Variants in ACOXL observed in about 807,000 individuals in gnomAD.
ACOXL encodes acyl-coenzyme A oxidase-like protein.
Under a neutral mutation model 71.9 loss-of-function variants are expected in ACOXL, and 70 were observed. The observed-to-expected ratio is 0.97, with a 90% confidence interval of 0.80 to 1.19. The LOEUF (loss-of-function observed/expected upper bound fraction) is 1.19. Among genes scored for constraint, ACOXL ranks in the 50% most tolerant of loss-of-function variants. ACOXL has a pLI of 0.00. For synonymous variants in ACOXL, 253 were observed against 281.6 expected, an observed-to-expected ratio of 0.90 and a Z score of 1.02; for missense variants, 703 against 736.3, an observed-to-expected ratio of 0.95 and a Z score of 0.52.
At chr2:110,771,119 G>A (rs1457336268) in intron 2 of ACOXL, among the ~76,000 whole-genome samples, 2 of 152,100 alleles carry the variant, frequency 1.3e-5, no homozygotes, top group Non-Finnish European at 2.9e-5. Context: ...CGGCCTGTTT[G>A]GCACCTCTCT....
chr2:110,743,647 A>G (rs1270054826), intron 1 of ACOXL, among the ~76,000 whole-genome samples: 2 of 152,096 alleles, frequency 1.3e-5, no homozygotes, highest in Non-Finnish European at 2.9e-5. Flanking sequence ...AGGCTGGCGG[A>G]AGGACCAATG....
At chr2:110,769,820 C>T (rs1021844775) in intron 2 of ACOXL, among the ~76,000 whole-genome samples, 6 of 150,798 alleles carry the variant, frequency 4.0e-5, no homozygotes, top group African/African-American at 7.3e-5. Flanking sequence ...GGCAACAAAG[C>T]GAGACTCTGT....
At chr2:110,990,374 A>G (rs1412379404) in intron 13 of ACOXL, among the ~76,000 whole-genome samples, 1 of 152,224 alleles carries the variant, frequency 6.6e-6, no homozygotes, top group Admixed American at 6.5e-5. Flanking sequence ...GCTTTTGTTT[A>G]TAAATCTGAC....
intron 15 of ACOXL, among the ~76,000 whole-genome samples, chr2:111,047,098 G>A (rs543031208): frequency 1.3e-5 from 2 of 152,328 alleles, no homozygotes; most frequent in South Asian, 4.1e-4. Flanking sequence ...CAAAGAATCA[G>A]GCTCAGTGGC....
chr2:111,005,757 G>A (rs2063842118), intron 14 of ACOXL, among the ~76,000 whole-genome samples: 1 of 152,108 alleles, frequency 6.6e-6, no homozygotes, highest in East Asian at 1.9e-4. Flanking sequence ...TGCCTTGGAA[G>A]ATCACCAATA....
intron 12 of ACOXL, among the ~76,000 whole-genome samples, chr2:110,937,680 C>A (rs951818218): frequency 1.3e-5 from 2 of 152,174 alleles, no homozygotes; most frequent in Non-Finnish European, 2.9e-5. Context: ...AGTCTGGGGG[C>A]TACTGAGAGG....
chr2:110,784,908 A>T (rs1029047319), intron 3 of ACOXL, 93 bp downstream of exon 3: 1 of 1,146,732 alleles, frequency 8.7e-7, no homozygotes. Flanking sequence ...CTCTCAGTCT[A>T]TGTAGTGGCA....
chr2:110,917,537 T>C (rs149270869), intron 11 of ACOXL, among the ~76,000 whole-genome samples: 3,594 of 152,308 alleles, frequency 0.024, 69 homozygotes, highest in South Asian at 0.047. Flanking sequence ...CAACATAGTA[T>C]TGGGAGTTCT....
At chr2:110,880,103 C>T (rs1004564620) in intron 10 of ACOXL, among the ~76,000 whole-genome samples, 1 of 147,240 alleles carries the variant, frequency 6.8e-6, no homozygotes, top group Admixed American at 6.8e-5. Flanking sequence ...CGAGTTTGTA[C>T]CACTGCACTG....
chr2:110,959,992 G>T (rs2061641571), intron 12 of ACOXL, among the ~76,000 whole-genome samples: 1 of 152,200 alleles, frequency 6.6e-6, no homozygotes, highest in Non-Finnish European at 1.5e-5. Flanking sequence ...GGAGCATAAG[G>T]CTGCTTGTCT....
intron 9 of ACOXL, among the ~76,000 whole-genome samples, chr2:110,840,281 A>G (rs373112134): frequency 2.0e-5 from 3 of 152,196 alleles, no homozygotes; most frequent in Non-Finnish European, 4.4e-5. Flanking sequence ...CACTTGTTGT[A>G]TGATGAAATA....
At chr2:110,996,355 C>G (rs558059496) in intron 14 of ACOXL, among the ~76,000 whole-genome samples, 2 of 152,248 alleles carry the variant, frequency 1.3e-5, no homozygotes, top group East Asian at 3.9e-4. Flanking sequence ...GGGGAACTGC[C>G]TCAGGCATAT....
chr2:111,031,706 C>A lies in ACOXL; in HGVS notation c.1361C>A (p.Thr454Asn), dbSNP rs780218129. 2.5e-6 allele frequency: 4 copies of A among 1,614,176 alleles called. No individual in the cohort carries two copies. The highest frequency in any genetic ancestry group is 3.4e-6 in the Non-Finnish European group (4 of 1,180,036). ...HHVASLSLAH[T>N]HRVTLEQFSL... Reference sequence around the variant, plus strand: ...GTGGCTTCTCTGTCCCTGGCACACACTCACCGAGGTCAGTTGGCTCCTGTT... The same window carrying A: ...GTGGCTTCTCTGTCCCTGGCACACAATCACCGAGGTCAGTTGGCTCCTGTT... The change falls in exon 15 of 18, where the codon ACT (threonine) becomes AAT (asparagine). Residue 454 changes from threonine (T) to asparagine (N), a missense_variant. Thr to Asn is a moderately conservative substitution (Grantham distance 65). Transcript: ENST00000439055.
At position 111,088,713 on chromosome 2, in the gene ACOXL, C is replaced by T. The variant is rs140478910; in HGVS notation, c.1441-4152C>T. ...CTTGGTACATGGGTGATGAAATAATCTGTACACCAGACTCCCATGACATCA... is the reference window on the plus strand; with the variant it reads ...CTTGGTACATGGGTGATGAAATAATTTGTACACCAGACTCCCATGACATCA... On this transcript the variant is annotated intron_variant, in intron 16 of 17. Coordinates refer to ENST00000439055, the MANE Select transcript of ACOXL (RefSeq NM_001142807.4). Among the ~76,000 whole-genome samples the T allele has an allele frequency of 6.3e-3, 963 of 152,206 alleles. 5 individuals are homozygous for T. The highest frequency in any genetic ancestry group is 0.011 in the Non-Finnish European group (730 of 68,032).
rs76843470 is a variant in ACOXL, at chr2:110,818,429, G to A, written c.753+13034G>A. On this transcript the variant is annotated intron_variant, in intron 9 of 17. Transcript: ENST00000439055. ...AAAAAACATATATATATATATGTGTGTGTGTGTGTGTGTGTGTGTGTGTAT... is the reference window on the plus strand; with the variant it reads ...AAAAAACATATATATATATATGTGTATGTGTGTGTGTGTGTGTGTGTGTAT... 9.6e-3 allele frequency among the ~76,000 whole-genome samples: 1,366 copies of A among 142,188 alleles called. 13 individuals carry two copies. Among genetic ancestry groups the A allele is most frequent in the East Asian group, 0.039 (191 of 4,880 alleles). 93.3% of individuals were successfully genotyped at this position (142,188 alleles called of 152,430 possible).
At chr2:110,966,596 G>A (rs1479045270) in intron 12 of ACOXL, among the ~76,000 whole-genome samples, 2 of 152,232 alleles carry the variant, frequency 1.3e-5, no homozygotes, top group East Asian at 1.9e-4. Context: ...ATTTAGTGGG[G>A]AGCTGAGCCT....
chr2:110,736,203 C>A (rs1481634471), intron 1 of ACOXL, among the ~76,000 whole-genome samples: 1 of 152,176 alleles, frequency 6.6e-6, no homozygotes, highest in Non-Finnish European at 1.5e-5. Flanking sequence ...CTCCTACAGC[C>A]ATTTTTTTTT....
intron 17 of ACOXL, among the ~76,000 whole-genome samples, chr2:111,109,358 T>A (rs1397516573): frequency 6.6e-6 from 1 of 152,278 alleles, no homozygotes; most frequent in African/African-American, 2.4e-5. Context: ...AAGTATTTTA[T>A]GTCTCATTCT....
At chr2:110,754,244 T>G (rs921372800) in intron 1 of ACOXL, among the ~76,000 whole-genome samples, 1 of 151,956 alleles carries the variant, frequency 6.6e-6, no homozygotes, top group African/African-American at 2.4e-5. Context: ...GGGCCATTTT[T>G]AAATTTTTTG....
Sources: gnomAD v4.1 joint callset for allele counts (sites outside exome capture counted in the v4.1 genomes callset) on GRCh38, gnomAD v4.1.1 for gene constraint, MANE v1.5 for transcripts, NCBI Gene and HGNC (gene_info 2026-07-23, HGNC 2026-07-21) for gene names.